Variants in C5 observed in about 807,000 individuals in gnomAD.
The protein encoded by C5 is C3 and PZP-like alpha-2-macroglobulin domain-containing protein 4.
Under a neutral mutation model 218.8 loss-of-function variants are expected in C5, and 140 were observed. The observed-to-expected ratio is 0.64, with a 90% CI of 0.56 to 0.74. The LOEUF (loss-of-function observed/expected upper bound fraction) is 0.74. Ranked by LOEUF, C5 falls within the 30% of genes least tolerant of loss-of-function variation. The pLI is 0.00. For missense variants in C5, 1,700 were observed against 1,969.6 expected (o/e 0.86, Z 2.59); for synonymous variants, 614 against 682.3 (o/e 0.90, Z 1.56).
At chr9:121,048,162 G>A (rs2047643532) in intron 1 of C5, among the ~76,000 whole-genome samples, 1 of 152,138 alleles carries the variant, frequency 6.6e-6, no homozygotes, top group Admixed American at 6.5e-5. Flanking sequence ...AAAATTTAGG[G>A]ATATAAAGCT....
intron 17 of C5, among the ~76,000 whole-genome samples, chr9:121,009,394 G>C (rs889553548): frequency 2.4e-4 from 37 of 152,184 alleles, no homozygotes; most frequent in Admixed American, 2.3e-3. Context: ...CTAGGGCAGG[G>C]AGAGGAATAC....
the C5 span, among the ~76,000 whole-genome samples, chr9:121,066,014 A>G: frequency 6.6e-6 from 1 of 151,150 alleles, no homozygotes; most frequent in Non-Finnish European, 1.5e-5. Flanking sequence ...GCCAAAGAAC[A>G]AAAAAAAATG....
chr9:120,968,890 T>C (rs1287073285), intron 33 of C5, among the ~76,000 whole-genome samples, 171 bp downstream of exon 33: 1 of 152,238 alleles, frequency 6.6e-6, no homozygotes, highest in East Asian at 1.9e-4. Context: ...AAACCAAGGC[T>C]GTTTTTTATG....
chr9:120,995,575 G>A (rs1430021099), intron 22 of C5, among the ~76,000 whole-genome samples: 2 of 152,070 alleles, frequency 1.3e-5, no homozygotes, highest in Non-Finnish European at 2.9e-5. Flanking sequence ...AATAATGCAT[G>A]TTAATTATGT....
intron 12 of C5, among the ~76,000 whole-genome samples, 175 bp downstream of exon 12, chr9:121,019,801 T>C (rs1362438946): frequency 2.0e-5 from 3 of 152,220 alleles, no homozygotes; most frequent in Non-Finnish European, 2.9e-5. Flanking sequence ...GAAATGGTCA[T>C]GAAAATCATG....
At chr9:121,029,926 A>G (rs2047459514) in intron 7 of C5, among the ~76,000 whole-genome samples, 1 of 152,180 alleles carries the variant, frequency 6.6e-6, no homozygotes, top group Non-Finnish European at 1.5e-5. Context: ...CTGACCTACC[A>G]ACTGGCTGCA....
chr9:121,058,072 G>A, the C5 span, among the ~76,000 whole-genome samples: 2 of 152,154 alleles, frequency 1.3e-5, no homozygotes, highest in Admixed American at 6.5e-5. Flanking sequence ...GCATTTAAAC[G>A]AGATTTTATG....
chr9:121,053,193 C>T (rs958492410), upstream of C5, among the ~76,000 whole-genome samples: 3 of 152,046 alleles, frequency 2.0e-5, no homozygotes, highest in Admixed American at 6.6e-5. Context: ...AATGGAGACA[C>T]GGGAATCATA....
At chr9:121,034,553 TG>T (rs774891208) in intron 5 of C5, among the ~76,000 whole-genome samples, 62 of 152,350 alleles carry the variant, frequency 4.1e-4, no homozygotes, top group Non-Finnish European at 4.7e-4. Flanking sequence ...ATGTTTTTTA[TG>T]ACAAAAAAAC....
chr9:121,061,478 G>A, the C5 span, among the ~76,000 whole-genome samples: 1 of 151,558 alleles, frequency 6.6e-6, no homozygotes, highest in Non-Finnish European at 1.5e-5. Flanking sequence ...AAGCCAGGAG[G>A]TCGAGGCTGC....
rs2046843420 is a variant in C5 at position 120,963,545 on chromosome 9, AT to A, written c.4323+90del. The stretch of plus-strand genomic sequence containing the variant: ...TTCTGGGTGATTCTATAAAAGTGGT[AT>A]ATTCAAATGAAAGAAAGTAAAATTG... On this transcript the variant is annotated intron_variant, in intron 34 of 40. Transcript: ENST00000223642. 2.4e-5 allele frequency: 22 copies of A among 915,948 alleles called. No individual in the cohort carries two copies. The East Asian group carries it at 5.8e-4, about 24-fold the overall frequency. 56.7% of individuals were successfully genotyped at this position (915,948 alleles called of 1,614,324 possible).
In C5 at chr9:121,016,318, A is replaced by T. The variant is rs1427707843; in HGVS notation, c.1932T>A (p.Asn644Lys). ...CGAGGGLNNANVFHLAGLTFL... is the reference protein window; with the variant it reads ...CGAGGGLNNAKVFHLAGLTFL... ...AGGTAAGTCCAGCTAGGTGGAACAC[A>T]TTGGCATTGTTGAGGCCACCACCTG... is the stretch of plus-strand genomic sequence containing the variant. The change falls in exon 15 of 41, where the codon AAT becomes AAA. Residue 644 changes from asparagine (N) to lysine (K), a missense_variant. Asn to Lys is a moderately conservative substitution (Grantham distance 94, BLOSUM62 0). Transcript: ENST00000223642. 2.5e-6 allele frequency: 4 copies of T among 1,613,984 alleles called. No homozygotes were observed. In the African/African-American group the frequency reaches 4.0e-5, roughly 16 times the overall value.
intron 20 of C5, among the ~76,000 whole-genome samples, chr9:121,003,032 C>T (rs947777095): frequency 1.3e-5 from 2 of 152,146 alleles, no homozygotes; most frequent in Non-Finnish European, 2.9e-5. Context: ...GTGGCTCATG[C>T]CTGTAATTTC....
intron 36 of C5, 62 bp from the exon 37 acceptor site, chr9:120,961,627 T>C (rs1768878380): frequency 1.4e-5 from 15 of 1,039,174 alleles, no homozygotes; most frequent in Middle Eastern, 2.0e-4. Context: ...CATTTACTAA[T>C]TGGCAAGTGT....
At position 121,023,535 on chromosome 9, in the gene C5, G is replaced by A; in HGVS notation, c.1001-16C>T. On this transcript the variant is annotated splice_polypyrimidine_tract_variant and intron_variant, in intron 9 of 40. Transcript: ENST00000223642. Reference sequence around the variant, plus strand: ...GAAAATCCACCTAAGGAAATGGCAAGCATCATGTTGACAGTTTTTAGGAGT... The same window carrying A: ...GAAAATCCACCTAAGGAAATGGCAAACATCATGTTGACAGTTTTTAGGAGT... The A allele has an allele frequency of 7.0e-7, 1 of 1,437,876 alleles. No homozygotes were observed. The highest frequency in any genetic ancestry group is 9.8e-7 in the Non-Finnish European group (1 of 1,019,178). The allele number at this position is 1,437,876 out of a possible 1,614,324, so 89.1% of individuals were successfully genotyped here.
chr9:121,027,176 G>A lies in C5; in HGVS notation c.857C>T (p.Ala286Val), dbSNP rs191848399. The A allele has an allele frequency of 8.9e-6, 14 of 1,573,664 alleles. No individual in the cohort carries two copies. In the African/African-American group the frequency reaches 1.7e-4, roughly 20 times the overall value. The part of the protein sequence containing the change: ...KDDQKEMMQT[A>V]MQNTMLINGI... ...ACATCTTACCATTGTGTTTTGCATT[G>A]CTGTTTGCATCATTTCTTTTTGATC... Residue 286 changes from alanine to valine, a missense_variant, in exon 8 of 41, where the codon GCA (alanine) becomes GTA (valine). Coordinates refer to ENST00000223642, the MANE Select transcript of C5 (RefSeq NM_001735.3).
At chr9:120,993,318 A>G (rs1400200926) in intron 22 of C5, among the ~76,000 whole-genome samples, 1 of 152,226 alleles carries the variant, frequency 6.6e-6, no homozygotes, top group Non-Finnish European at 1.5e-5. Flanking sequence ...TGGATTTTTC[A>G]AGGGAAATAT....
At chr9:120,978,290 T>C (rs1384079863) in intron 28 of C5, among the ~76,000 whole-genome samples, 2 of 152,206 alleles carry the variant, frequency 1.3e-5, no homozygotes, top group Non-Finnish European at 2.9e-5. Flanking sequence ...TGAAGGTTAG[T>C]AAAAATTTTG....
intron 3 of C5, 36 bp downstream of exon 3, chr9:121,042,968 T>G (rs1299600291): frequency 3.2e-6 from 5 of 1,564,944 alleles, no homozygotes; most frequent in Non-Finnish European, 4.4e-6. Flanking sequence ...TACTGTCAAA[T>G]CCCCCACCCA....
Sources: gnomAD v4.1 joint callset for allele counts (sites outside exome capture counted in the v4.1 genomes callset) on GRCh38, gnomAD v4.1.1 for gene constraint, MANE v1.5 for transcripts, NCBI Gene and HGNC (gene_info 2026-07-23, HGNC 2026-07-21) for gene names.